Variants in FANK1 observed in about 807,000 individuals in gnomAD.
The protein encoded by FANK1 is fibronectin type 3 and ankyrin repeat domains protein 1.
FANK1 carries 44 observed loss-of-function variants against 45.3 expected under a neutral mutation model. That is an observed-to-expected ratio of 0.97 (90% CI 0.76 to 1.25). The LOEUF (loss-of-function observed/expected upper bound fraction) is 1.25. Among genes scored for constraint, FANK1 ranks in the 50% most tolerant of loss-of-function variants. The pLI, the probability that FANK1 is intolerant of heterozygous loss-of-function variation, is 0.00. For synonymous variants in FANK1, 149 were observed against 152.5 expected, an observed-to-expected ratio of 0.98 and a Z score of 0.17; for missense variants, 391 against 424.4, an observed-to-expected ratio of 0.92 and a Z score of 0.69.
intron 1 of FANK1, among the ~76,000 whole-genome samples, chr10:125,953,646 G>A (rs566524725): frequency 2.0e-5 from 3 of 152,348 alleles, no homozygotes; most frequent in East Asian, 3.9e-4. Flanking sequence ...GTCCCAGAAA[G>A]CCAGAGGGCC....
At chr10:125,970,455 G>A (rs1031057671) in intron 1 of FANK1, among the ~76,000 whole-genome samples, 3 of 152,228 alleles carry the variant, frequency 2.0e-5, no homozygotes, top group African/African-American at 7.2e-5. Flanking sequence ...TGCAATCTCC[G>A]CACTTTGGGA....
At chr10:125,970,405 G>A (rs866662288) in intron 1 of FANK1, among the ~76,000 whole-genome samples, 19 of 152,068 alleles carry the variant, frequency 1.2e-4, no homozygotes, top group Middle Eastern at 3.4e-3. Context: ...AGGCAGAGAC[G>A]CTCCTCACTT....
intron 1 of FANK1, among the ~76,000 whole-genome samples, chr10:125,927,511 G>A (rs1947436922): frequency 6.6e-6 from 1 of 151,672 alleles, no homozygotes; most frequent in Non-Finnish European, 1.5e-5. Context: ...TGACATTCAG[G>A]TTCTTCCAAG....
intron 1 of FANK1, among the ~76,000 whole-genome samples, chr10:125,937,472 A>G (rs539576975): frequency 1.0e-3 from 153 of 152,316 alleles, no homozygotes; most frequent in Non-Finnish European, 2.0e-3. Flanking sequence ...TATTGAGTCA[A>G]TGTTTAGAAT....
chr10:125,963,950 A>G (rs1225791825), intron 1 of FANK1, among the ~76,000 whole-genome samples: 1 of 152,146 alleles, frequency 6.6e-6, no homozygotes, highest in Non-Finnish European at 1.5e-5. Flanking sequence ...ATACCTATTT[A>G]GTTGGGAGAA....
chr10:125,937,883 G>A (rs1049362750), intron 1 of FANK1, among the ~76,000 whole-genome samples: 1 of 152,144 alleles, frequency 6.6e-6, no homozygotes, highest in Admixed American at 6.5e-5. Context: ...ACTTTAACAC[G>A]CTTAACAGGT....
intron 2 of FANK1, among the ~76,000 whole-genome samples, chr10:125,986,976 A>G (rs555649348): frequency 1.5e-4 from 23 of 152,280 alleles, no homozygotes; most frequent in Admixed American, 2.6e-4. Flanking sequence ...GCTGGGAGTG[A>G]GTGGGCAAGG....
chr10:125,913,358 G>T (rs1946186825), intron 1 of FANK1, among the ~76,000 whole-genome samples: 2 of 152,120 alleles, frequency 1.3e-5, no homozygotes, highest in African/African-American at 4.8e-5. Context: ...AACTCATTCT[G>T]CATGACACCT....
rs1416040926 is a variant in FANK1, at chr10:126,004,916, A to G, written c.572A>G (p.Asp191Gly). 6.2e-7 allele frequency: 1 copy of G among 1,614,116 alleles called. No individual in the cohort carries two copies. Among genetic ancestry groups the G allele is most frequent in the Admixed American group, 1.7e-5 (1 of 60,008 alleles). Reference protein sequence around the residue: ...LMLACYAGHLDVVKYLRRHGA... With the variant: ...LMLACYAGHLGVVKYLRRHGA... ...CTGGCGTGCTATGCGGGACACCTAG[A>G]TGTTGTGAAATATCTCCGAAGACAT... Residue 191 changes from aspartate to glycine, a missense_variant, in exon 7 of 11, where the codon GAT becomes GGT. Transcript: ENST00000368693.
chr10:126,002,993 C>G (rs1270996372), intron 6 of FANK1, among the ~76,000 whole-genome samples: 1 of 152,072 alleles, frequency 6.6e-6, no homozygotes, highest in Admixed American at 6.5e-5. Context: ...TTCCACAGCT[C>G]TATTTGGGAG....
intron 1 of FANK1, among the ~76,000 whole-genome samples, chr10:125,938,367 T>C (rs1196139030): frequency 6.6e-6 from 1 of 152,196 alleles, no homozygotes; most frequent in East Asian, 1.9e-4. Context: ...GCACACAGTG[T>C]GAGACCTCAG....
At chr10:125,906,387 G>T (rs1288071891) in intron 1 of FANK1, among the ~76,000 whole-genome samples, 2 of 151,616 alleles carry the variant, frequency 1.3e-5, no homozygotes, top group African/African-American at 2.4e-5. Flanking sequence ...ATGGTGGTGT[G>T]TGCCTGTAAT....
intron 1 of FANK1, among the ~76,000 whole-genome samples, chr10:125,936,268 T>C (rs1381332733): frequency 2.6e-5 from 4 of 152,144 alleles, no homozygotes; most frequent in Non-Finnish European, 5.9e-5. Context: ...AGGTATTTAG[T>C]TGAATTTAGT....
intron 1 of FANK1, among the ~76,000 whole-genome samples, chr10:125,978,635 A>T (rs1950999472): frequency 6.6e-6 from 1 of 152,002 alleles, no homozygotes; most frequent in African/African-American, 2.4e-5. Flanking sequence ...GTACTGGGGG[A>T]TCCCTTCTGC....
intron 1 of FANK1, among the ~76,000 whole-genome samples, chr10:125,950,264 A>G (rs1354361755): frequency 1.3e-5 from 2 of 151,234 alleles, no homozygotes; most frequent in Non-Finnish European, 3.0e-5. Flanking sequence ...AAATTGACAA[A>G]TGGGATCTAA....
chr10:125,905,130 CAA>C (rs11289535), intron 1 of FANK1, among the ~76,000 whole-genome samples: 80 of 68,140 alleles, frequency 1.2e-3, no homozygotes, highest in African/African-American at 1.6e-3. Flanking sequence ...GACTCTGTCC[CAA>C]AAAAAAAAAA....
intron 1 of FANK1, among the ~76,000 whole-genome samples, chr10:125,914,869 G>GGAGGGGA (rs1946322583): frequency 6.6e-6 from 1 of 151,856 alleles, no homozygotes; most frequent in Admixed American, 6.6e-5. Context: ...ACTTAGGTGC[G>GGAGGGGA]GAGGGGATGA....
At chr10:125,984,039 A>AATATGGGATGTGAG (rs1330200039) in intron 2 of FANK1, among the ~76,000 whole-genome samples, 1 of 152,122 alleles carries the variant, frequency 6.6e-6, no homozygotes, top group Non-Finnish European at 1.5e-5. Context: ...TGGTGGACCG[A>AATATGGGATGTGAG]ATATGGGATG....
chr10:125,906,826 C>T (rs1945564008), intron 1 of FANK1, among the ~76,000 whole-genome samples: 1 of 152,150 alleles, frequency 6.6e-6, no homozygotes, highest in African/African-American at 2.4e-5. Context: ...TCTATTCAAA[C>T]ATTGTACTTT....
Sources: allele counts gnomAD v4.1 joint callset (sites outside exome capture counted in the v4.1 genomes callset), GRCh38; gene constraint gnomAD v4.1.1; transcripts MANE v1.5; gene names NCBI Gene and HGNC (gene_info 2026-07-23, HGNC 2026-07-21).